ADGRG4: variants seen among roughly 807,000 people sequenced by gnomAD.
ADGRG4 encodes G protein-coupled receptor 112.
A neutral mutation model predicts 126.2 loss-of-function variants in ADGRG4; 122 were observed. That is an observed-to-expected ratio of 0.97 (90% CI 0.83 to 1.12). The LOEUF (loss-of-function observed/expected upper bound fraction) is 1.12. Ranked by LOEUF, ADGRG4 falls within the 50% of genes most tolerant of loss-of-function variation. The probability of loss-of-function intolerance (pLI) is 0.00; values close to 1 mark genes in which losing one functional copy is unlikely to be tolerated. For synonymous variants in ADGRG4, 943 were observed against 838.7 expected, an observed-to-expected ratio of 1.12 and a Z score of -2.15; for missense variants, 2,481 against 2,251.8, an observed-to-expected ratio of 1.10 and a Z score of -2.06.
chrX:136,348,059 T>G lies in ADGRG4; in HGVS notation c.4353T>G (p.Val1451=), dbSNP rs1203015391. The G allele has an allele frequency of 8.3e-7, 1 of 1,208,642 alleles. No individual in the cohort carries two copies. Among genetic ancestry groups the G allele is most frequent in the East Asian group, 3.0e-5 (1 of 33,824 alleles). The part of the protein sequence containing the change: ...SLRTQPEVTS[V]ASFISESTQT... ...GGACACAACCTGAGGTGACTTCAGT[T>G]GCCTCTTTCATTTCTGAAAGCACAC... Residue 1451 remains valine (V), a synonymous_variant, in exon 6 of 26, where the codon GTT becomes GTG. Coordinates refer to ENST00000394143, the MANE Select transcript of ADGRG4 (RefSeq NM_153834.4).
In ADGRG4 at chrX:136,403,269, C is replaced by T. The variant is rs1262781423; in HGVS notation, c.8601C>T (p.Ile2867=). The T allele has an allele frequency of 1.4e-5, 17 of 1,208,973 alleles. No individual in the cohort carries two copies. The highest frequency in any genetic ancestry group is 5.2e-5 in the African/African-American group (3 of 57,221). The change falls in exon 22 of 26, where the codon ATC becomes ATT. Residue 2867 remains isoleucine (I), a synonymous_variant. Coordinates refer to ENST00000394143, the MANE Select transcript of ADGRG4 (RefSeq NM_153834.4). ...GAATCCCGGCTATCATGGTGGCAAT[C>T]ACAGTCAGTGTGAAAAAAGATCTGT... ...GWGIPAIMVA[I]TVSVKKDLYG... is the part of the protein sequence containing the mutation.
intron 5 of ADGRG4, among the ~76,000 whole-genome samples, chrX:136,330,052 C>T (rs1310782963): frequency 1.8e-5 from 2 of 110,705 alleles, no homozygotes; most frequent in Non-Finnish European, 3.8e-5. Context: ...GTATAACAAA[C>T]AGAACATTGA....
intron 11 of ADGRG4, 92 bp downstream of exon 11, chrX:136,359,547 A>C (rs1278651865): frequency 1.4e-6 from 1 of 690,876 alleles, no homozygotes. Context: ...TTCTGAGTTC[A>C]GAAAGGAGAG....
chrX:136,349,774 T>C lies in ADGRG4; in HGVS notation c.6068T>C (p.Val2023Ala). The change falls in exon 6 of 26, where the codon GTA becomes GCA. Residue 2023 changes from valine to alanine, a missense_variant. Coordinates refer to ENST00000394143, the MANE Select transcript of ADGRG4 (RefSeq NM_153834.4). The stretch of plus-strand genomic sequence containing the variant: ...CCTTCTGGCTCCCCTCCGGCAACTG[T>C]ATCTAATGCCCCTCATGTTATGACT... ...SLPSGSPPAT[V>A]SNAPHVMTSS... 8.3e-7 allele frequency: 1 copy of C among 1,210,240 alleles called. No homozygotes were observed. The highest frequency in any genetic ancestry group is 1.1e-6 in the Non-Finnish European group (1 of 894,614).
At chrX:136,370,018 C>T (rs956442487) in intron 13 of ADGRG4, among the ~76,000 whole-genome samples, 4 of 111,245 alleles carry the variant, frequency 3.6e-5, no homozygotes, top group Non-Finnish European at 5.7e-5. Context: ...CAAAAAGTAG[C>T]CTGTGTAGGC....
chrX:136,362,567 G>A lies in ADGRG4; in HGVS notation c.7278-910G>A, dbSNP rs60314044. 5.4e-3 allele frequency among the ~76,000 whole-genome samples: 598 copies of A among 111,534 alleles called. 5 individuals are homozygous for A. The highest frequency in any genetic ancestry group is 0.019 in the African/African-American group (570 of 30,697). On this transcript the variant is annotated intron_variant, in intron 12 of 25. Coordinates refer to ENST00000394143, the MANE Select transcript of ADGRG4 (RefSeq NM_153834.4). ...CAAACCCCTAAATATAGTCCAGACC[G>A]TAGGCTTCCTCTCCTGCTGTCTCAC...
intron 25 of ADGRG4, among the ~76,000 whole-genome samples, chrX:136,416,167 G>A (rs1330816418): frequency 1.8e-5 from 2 of 111,609 alleles, no homozygotes; most frequent in Admixed American, 9.5e-5. Flanking sequence ...GAAGGCCTCC[G>A]AGTTTGTACA....
In ADGRG4 at chrX:136,371,414, T is replaced by A. The variant is rs776966600; in HGVS notation, c.7483T>A (p.Ser2495Thr). 3.4e-6 allele frequency: 4 copies of A among 1,190,773 alleles called. No homozygotes were observed. The highest frequency in any genetic ancestry group is 4.6e-6 in the Non-Finnish European group (4 of 878,569). The change falls in exon 14 of 26, where the codon TCT becomes ACT. Residue 2495 changes from serine (S) to threonine (T), a missense_variant. Ser to Thr is a moderately conservative substitution (Grantham distance 58). Coordinates refer to ENST00000394143, the MANE Select transcript of ADGRG4 (RefSeq NM_153834.4). ...TAAAGAAGAGACAAAGATTATTGTT[T>A]CTAAAATATCAGATATTTCACAATG... ...LGKEETKIIV[S>T]KISDISQCDE... is the part of the protein sequence containing the mutation.
intron 21 of ADGRG4, among the ~76,000 whole-genome samples, chrX:136,400,696 A>G (rs2075374985): frequency 9.0e-6 from 1 of 111,592 alleles, no homozygotes; most frequent in Admixed American, 9.5e-5. Flanking sequence ...AGAACAGGAA[A>G]AGACTTGAAA....
intron 5 of ADGRG4, among the ~76,000 whole-genome samples, chrX:136,341,000 G>A (rs1399682154): frequency 8.9e-6 from 1 of 111,914 alleles, no homozygotes; most frequent in Non-Finnish European, 1.9e-5. Context: ...AGGTTAAAAC[G>A]GAGCAATGTA....
chrX:136,386,294 G>T (rs981728971), intron 15 of ADGRG4, among the ~76,000 whole-genome samples: 5 of 111,802 alleles, frequency 4.5e-5, no homozygotes, highest in Non-Finnish European at 7.5e-5. Context: ...TTACAATGGG[G>T]TTTTCTATCA....
Position 136,348,544 on chromosome X carries a change from T to C in ADGRG4, c.4838T>C (p.Val1613Ala). Reference sequence around the variant, plus strand: ...ACATCTACATTGGATGTCACACCTGTGATATATGCTGGGGCTACTTCAAAA... The same window carrying C: ...ACATCTACATTGGATGTCACACCTGCGATATATGCTGGGGCTACTTCAAAA... ...MQTSTLDVTP[V>A]IYAGATSKNK... is the part of the protein sequence containing the mutation. Residue 1613 changes from valine to alanine, a missense_variant, in exon 6 of 26, where the codon GTG (valine) becomes GCG (alanine). Val to Ala is a moderately conservative substitution (Grantham distance 64). Transcript: ENST00000394143. The C allele has an allele frequency of 8.3e-7, 1 of 1,207,521 alleles. No individual in the cohort carries two copies. Among genetic ancestry groups the C allele is most frequent in the Admixed American group, 2.2e-5 (1 of 45,899 alleles).
In ADGRG4 at chrX:136,403,301, C is replaced by T; in HGVS notation, c.8633C>T (p.Thr2878Ile). The T allele has an allele frequency of 8.3e-7, 1 of 1,206,407 alleles. No homozygotes were observed. Among genetic ancestry groups the T allele is most frequent in the Non-Finnish European group, 1.1e-6 (1 of 890,701 alleles). Residue 2878 changes from threonine to isoleucine, a missense_variant, in exon 22 of 26, where the codon ACT (threonine) becomes ATT (isoleucine). Coordinates refer to ENST00000394143, the MANE Select transcript of ADGRG4 (RefSeq NM_153834.4). ...TVSVKKDLYG[T>I]LSPTTPFCWI... ...AGTGTGAAAAAAGATCTGTATGGAACTCTGAGCCCAACAACTCCGTTGTAA... is the reference window on the plus strand; with the variant it reads ...AGTGTGAAAAAAGATCTGTATGGAATTCTGAGCCCAACAACTCCGTTGTAA...
chrX:136,346,647 A>G lies in ADGRG4; in HGVS notation c.2941A>G (p.Thr981Ala). 1 of 1,210,145 alleles carries G rather than the reference A, an allele frequency of 8.3e-7. No individual in the cohort carries two copies. The highest frequency in any genetic ancestry group is 1.8e-5 in the South Asian group (1 of 56,902). ...GATATCAGAAACCAGTTTCTCCACT[A>G]CCCCTACAGACAGGACAGCTACGTC... ...TRISETSFST[T>A]PTDRTATSLS... Residue 981 changes from threonine to alanine, a missense_variant, in exon 6 of 26, where the codon ACC becomes GCC. Transcript: ENST00000394143.
chrX:136,350,904 C>T (rs1173711947), intron 6 of ADGRG4, among the ~76,000 whole-genome samples: 1 of 111,497 alleles, frequency 9.0e-6, no homozygotes, highest in South Asian at 3.8e-4. Context: ...CCAATCCCTA[C>T]CTGCAGCTGA....
intron 15 of ADGRG4, among the ~76,000 whole-genome samples, chrX:136,379,482 C>A (rs1257250814): frequency 3.8e-5 from 4 of 104,839 alleles, no homozygotes; most frequent in African/African-American, 1.4e-4. Context: ...CTTCTCCTTC[C>A]CTCCTTTCTC....
chrX:136,358,470 G>C (rs1401652498), intron 10 of ADGRG4, among the ~76,000 whole-genome samples: 1 of 112,179 alleles, frequency 8.9e-6, no homozygotes, highest in East Asian at 2.8e-4. Flanking sequence ...TCTTCAAAAA[G>C]CCGTGTCTAC....
rs572386111 is a variant in ADGRG4 at position 136,333,612 on chromosome X, G to T, written c.685+10220G>T. Among the ~76,000 whole-genome samples the T allele has an allele frequency of 5.4e-5, 6 of 111,412 alleles. 1 individual carries two copies. The highest frequency in any genetic ancestry group is 2.0e-4 in the African/African-American group (6 of 30,701). On this transcript the variant is annotated intron_variant, in intron 5 of 25. Coordinates refer to ENST00000394143, the MANE Select transcript of ADGRG4 (RefSeq NM_153834.4). ...AGCTCACTGCAACTTCCACCTCCTG[G>T]ATTCAAGTGATTCATGTGCCTCAGC... is the stretch of plus-strand genomic sequence containing the variant.
At chrX:136,405,072 T>A (rs1430745564) in intron 22 of ADGRG4, among the ~76,000 whole-genome samples, 2 of 112,164 alleles carry the variant, frequency 1.8e-5, no homozygotes, top group Non-Finnish European at 3.8e-5. Flanking sequence ...ATAAAAACCG[T>A]AGAGTTGTTA....
Sources: allele counts gnomAD v4.1 joint callset (sites outside exome capture counted in the v4.1 genomes callset), GRCh38; gene constraint gnomAD v4.1.1; transcripts MANE v1.5; gene names NCBI Gene and HGNC (gene_info 2026-07-23, HGNC 2026-07-21).